GPC6: variants seen among roughly 807,000 people sequenced by gnomAD.
The protein encoded by GPC6 is glypican 6.
In GPC6, 14 loss-of-function variants were observed where a neutral mutation model predicts 55.2. The observed-to-expected ratio is 0.25, with a 90% confidence interval of 0.17 to 0.40. The LOEUF is 0.40. Ranked by LOEUF, GPC6 falls within the 10% of genes least tolerant of loss-of-function variation. GPC6 has a pLI of 1.00. For missense variants in GPC6, 641 were observed against 708.5 expected, an observed-to-expected ratio of 0.90 and a Z score of 1.08; for synonymous variants, 278 against 259.6, an observed-to-expected ratio of 1.07 and a Z score of -0.68.
rs1479146247 is a variant in GPC6 at position 93,723,962 on chromosome 13, G to T, written c.320-106192G>T. 3.3e-5 allele frequency among the ~76,000 whole-genome samples: 5 copies of T among 151,798 alleles called. No individual in the cohort carries two copies. In the East Asian group the frequency reaches 9.7e-4, roughly 30 times the overall value. ...CAGAGACAGACCCAGGTGTTTGAATGGTTCATATTTGTGTTTTACTCCTAA... is the reference window on the plus strand; with the variant it reads ...CAGAGACAGACCCAGGTGTTTGAATTGTTCATATTTGTGTTTTACTCCTAA... On this transcript the variant is annotated intron_variant, in intron 2 of 8. Transcript: ENST00000377047.
At chr13:94,316,792 T>C (rs1876563417) in intron 6 of GPC6, among the ~76,000 whole-genome samples, 1 of 152,168 alleles carries the variant, frequency 6.6e-6, no homozygotes, top group Non-Finnish European at 1.5e-5. Context: ...CCAGACAATA[T>C]GTATTTTAAA....
chr13:93,393,805 C>T (rs988011868), intron 1 of GPC6, among the ~76,000 whole-genome samples: 1 of 152,060 alleles, frequency 6.6e-6, no homozygotes, highest in Non-Finnish European at 1.5e-5. Flanking sequence ...CCACTGGAAA[C>T]ACTTTCTCTC....
chr13:94,133,044 C>G (rs1026013606), intron 4 of GPC6, among the ~76,000 whole-genome samples: 1 of 152,004 alleles, frequency 6.6e-6, no homozygotes, highest in Non-Finnish European at 1.5e-5. Flanking sequence ...TGTCTAGCTT[C>G]TGAAATATTA....
chr13:93,517,227 T>C (rs776640394), intron 1 of GPC6, among the ~76,000 whole-genome samples: 5 of 152,072 alleles, frequency 3.3e-5, no homozygotes, highest in Non-Finnish European at 1.5e-5. Flanking sequence ...TGATGGAGTA[T>C]CTAAGGAAGA....
chr13:93,949,653 GA>G (rs1305745653), intron 3 of GPC6, among the ~76,000 whole-genome samples: 1 of 152,160 alleles, frequency 6.6e-6, no homozygotes, highest in Non-Finnish European at 1.5e-5. Context: ...AAATGTCTAA[GA>G]AAGTATAATG....
intron 4 of GPC6, among the ~76,000 whole-genome samples, chr13:94,261,365 A>T (rs554392211): frequency 6.6e-6 from 1 of 152,290 alleles, no homozygotes; most frequent in East Asian, 1.9e-4. Flanking sequence ...AGAGGAAGCT[A>T]TTTGAAGAAT....
At chr13:94,287,866 C>G (rs1190695397) in intron 5 of GPC6, among the ~76,000 whole-genome samples, 1 of 152,172 alleles carries the variant, frequency 6.6e-6, no homozygotes, top group Non-Finnish European at 1.5e-5. Flanking sequence ...AAAAACAGCT[C>G]TAGAGACTAG....
At chr13:93,665,674 T>C (rs1881101155) in intron 2 of GPC6, among the ~76,000 whole-genome samples, 1 of 152,104 alleles carries the variant, frequency 6.6e-6, no homozygotes, top group Admixed American at 6.6e-5. Context: ...AGAGAAAAAG[T>C]TTTGTAAGAG....
intron 1 of GPC6, among the ~76,000 whole-genome samples, chr13:93,269,891 C>CAAAAAA (rs529558741): frequency 7.6e-5 from 4 of 52,566 alleles, no homozygotes; most frequent in African/African-American, 1.5e-4. Context: ...GACTCCATCT[C>CAAAAAA]AAAAAAAAAA....
At chr13:94,287,299 A>C (rs774525681) in intron 5 of GPC6, among the ~76,000 whole-genome samples, 10 of 152,210 alleles carry the variant, frequency 6.6e-5, no homozygotes, top group Non-Finnish European at 1.5e-4. Flanking sequence ...TGACCGAGTG[A>C]TTGCATTTTA....
At chr13:93,437,376 G>A (rs1253303768) in intron 1 of GPC6, among the ~76,000 whole-genome samples, 2 of 152,298 alleles carry the variant, frequency 1.3e-5, no homozygotes, top group African/African-American at 4.8e-5. Flanking sequence ...CAGGCTGAAG[G>A]CTAGACCTCT....
At chr13:93,218,248 G>T in the GPC6 span, among the ~76,000 whole-genome samples, 3 of 151,728 alleles carry the variant, frequency 2.0e-5, no homozygotes, top group African/African-American at 7.3e-5. Context: ...AAAAATGATT[G>T]CCTGGAAGTG....
At chr13:94,267,915 C>T (rs190334738) in intron 4 of GPC6, among the ~76,000 whole-genome samples, 1 of 152,228 alleles carries the variant, frequency 6.6e-6, no homozygotes, top group African/African-American at 2.4e-5. Context: ...CAGAATGGAC[C>T]TATTTCCTAA....
chr13:93,655,677 GA>G (rs1880631104), intron 2 of GPC6, among the ~76,000 whole-genome samples: 1 of 152,146 alleles, frequency 6.6e-6, no homozygotes, highest in Admixed American at 6.5e-5. Flanking sequence ...TGGAGGAGGG[GA>G]GTGTGGAAAA....
Position 93,802,278 on chromosome 13 carries a change from C to G in GPC6, c.320-27876C>G, listed in dbSNP as rs535171371. Among the ~76,000 whole-genome samples, 61 of 151,998 alleles carry G rather than the reference C, an allele frequency of 4.0e-4. 1 individual carries two copies. Among genetic ancestry groups the G allele is most frequent in the African/African-American group, 1.4e-3 (58 of 41,474 alleles). Reference sequence around the variant, plus strand: ...TCTCTGTATTTTGTTTTGCTTTGTTCTGTAATAACTGGAGATACTTGGATA... The same window carrying G: ...TCTCTGTATTTTGTTTTGCTTTGTTGTGTAATAACTGGAGATACTTGGATA... On this transcript the variant is annotated intron_variant, in intron 2 of 8. Transcript: ENST00000377047.
At chr13:93,674,632 C>G (rs779814990) in intron 2 of GPC6, among the ~76,000 whole-genome samples, 2 of 152,200 alleles carry the variant, frequency 1.3e-5, no homozygotes, top group Non-Finnish European at 2.9e-5. Flanking sequence ...AGACAACACT[C>G]TTCCTTTCTG....
chr13:93,409,935 G>C (rs550349660), intron 1 of GPC6, among the ~76,000 whole-genome samples: 3 of 152,280 alleles, frequency 2.0e-5, no homozygotes, highest in Non-Finnish European at 4.4e-5. Context: ...CCTATACCTA[G>C]TTTGGTAGAA....
At position 93,845,525 on chromosome 13, in the gene GPC6, C is replaced by T. The variant is rs912439285; in HGVS notation, c.711+14980C>T. Among the ~76,000 whole-genome samples the T allele has an allele frequency of 1.3e-3, 183 of 139,980 alleles. 1 individual carries two copies. Among genetic ancestry groups the T allele is most frequent in the African/African-American group, 5.0e-3 (182 of 36,362 alleles). 91.8% of individuals were successfully genotyped at this position (139,980 alleles called of 152,430 possible). A position where few individuals can be genotyped will look rare whatever the true frequency, so the allele number is the denominator to read the frequency against. On this transcript the variant is annotated intron_variant, in intron 3 of 8. Transcript: ENST00000377047. ...TATAAATCATGCTGCTATAAAGAGA[C>T]ATGCACATGTATGTTTATTGCGGCA...
intron 1 of GPC6, among the ~76,000 whole-genome samples, chr13:93,406,348 G>A (rs1040393482): frequency 3.3e-5 from 5 of 152,120 alleles, no homozygotes; most frequent in African/African-American, 4.8e-5. Flanking sequence ...GAAATGAAAT[G>A]TTTCTGCCAT....
Sources: allele counts gnomAD v4.1 joint callset (sites outside exome capture counted in the v4.1 genomes callset), GRCh38; gene constraint gnomAD v4.1.1; transcripts MANE v1.5; gene names NCBI Gene and HGNC (gene_info 2026-07-23, HGNC 2026-07-21).